The following CDH18 variants were observed in gnomAD, a reference collection of about 807,000 sequenced individuals.
CDH18 encodes the protein cadherin 18.
A neutral mutation model predicts 67.9 loss-of-function variants in CDH18; 31 were observed. That is an observed-to-expected ratio of 0.46 (90% CI 0.34 to 0.62). CDH18 has a LOEUF of 0.62. Among genes scored for constraint, CDH18 ranks in the 20% least tolerant of loss-of-function variants. CDH18 has a pLI of 0.01. For missense variants in CDH18, 890 were observed against 975.5 expected, an observed-to-expected ratio of 0.91 and a Z score of 1.17; for synonymous variants, 362 against 347.2, an observed-to-expected ratio of 1.04 and a Z score of -0.48.
chr5:20,379,929 A>G (rs1743779350), intron 1 of CDH18, among the ~76,000 whole-genome samples: 1 of 152,048 alleles, frequency 6.6e-6, no homozygotes, highest in Non-Finnish European at 1.5e-5. Flanking sequence ...ATAGACACTA[A>G]AAAAACCAAC....
chr5:19,923,704 T>C (rs1220177330), intron 2 of CDH18, among the ~76,000 whole-genome samples: 5 of 152,186 alleles, frequency 3.3e-5, no homozygotes, highest in Admixed American at 1.3e-4. Flanking sequence ...AGCTAAATAA[T>C]ATGTAAACAG....
At chr5:19,771,411 G>T (rs1581268891) in intron 3 of CDH18, among the ~76,000 whole-genome samples, 1 of 152,304 alleles carries the variant, frequency 6.6e-6, no homozygotes, top group South Asian at 2.1e-4. Context: ...CTAAGGAGAG[G>T]CTCACGTGGC....
chr5:20,479,457 AT>A (rs1752647404), intron 1 of CDH18, among the ~76,000 whole-genome samples: 3 of 152,154 alleles, frequency 2.0e-5, no homozygotes. Flanking sequence ...CATTTTTTAA[AT>A]GAAAAACTTA....
chr5:19,992,336 G>A (rs1800032759), upstream of CDH18, among the ~76,000 whole-genome samples: 1 of 151,404 alleles, frequency 6.6e-6, no homozygotes, highest in South Asian at 2.1e-4. Flanking sequence ...GATAATTGTT[G>A]TACTACAAAT....
intron 3 of CDH18, among the ~76,000 whole-genome samples, chr5:19,765,396 A>AT (rs780488691): frequency 8.4e-5 from 10 of 118,794 alleles, no homozygotes; most frequent in African/African-American, 2.3e-4. Flanking sequence ...TTCTTTTTTT[A>AT]TTTTTTTTTT....
At chr5:19,761,562 CA>C (rs201956075) in intron 3 of CDH18, among the ~76,000 whole-genome samples, 6 of 148,520 alleles carry the variant, frequency 4.0e-5, no homozygotes, top group Admixed American at 1.3e-4. Flanking sequence ...TGCAGAAACC[CA>C]AAAAAAAACT....
chr5:20,086,782 T>C (rs975111792), intron 2 of CDH18, among the ~76,000 whole-genome samples: 10 of 152,196 alleles, frequency 6.6e-5, no homozygotes, highest in Non-Finnish European at 1.3e-4. Flanking sequence ...TTCTAAATAC[T>C]AATGCTCATT....
At chr5:20,450,528 TAAAAG>T (rs1356872514) in intron 1 of CDH18, among the ~76,000 whole-genome samples, 3 of 151,908 alleles carry the variant, frequency 2.0e-5, no homozygotes, top group Non-Finnish European at 2.9e-5. Flanking sequence ...AATGCAAAAA[TAAAAG>T]AAAACCAAAT....
At position 20,490,622 on chromosome 5, in the gene CDH18, G is replaced by A. The variant is rs73764428; in HGVS notation, c.-580+84840C>T. 4.9e-3 allele frequency among the ~76,000 whole-genome samples: 750 copies of A among 152,244 alleles called. 5 individuals are homozygous for A. The highest frequency in any genetic ancestry group is 0.017 in the African/African-American group (701 of 41,568). ...AAAATAAACCCACATTTGTTCAAGAGGAGGGTAAGTAAGTACATAGATAGA... is the reference window on the plus strand; with the variant it reads ...AAAATAAACCCACATTTGTTCAAGAAGAGGGTAAGTAAGTACATAGATAGA... On this transcript the variant is annotated intron_variant, in intron 1 of 14. Transcript: ENST00000507958.
At chr5:19,724,732 G>A (rs551324838) in intron 4 of CDH18, among the ~76,000 whole-genome samples, 1 of 152,136 alleles carries the variant, frequency 6.6e-6, no homozygotes, top group African/African-American at 2.4e-5. Context: ...AGACAAAGAT[G>A]CGTTCTTGCC....
intron 3 of CDH18, among the ~76,000 whole-genome samples, chr5:19,747,593 T>C (rs533360102): frequency 2.8e-4 from 42 of 152,218 alleles, no homozygotes; most frequent in African/African-American, 9.4e-4. Flanking sequence ...CTTCCATACT[T>C]GTGAAAATAA....
intron 1 of CDH18, among the ~76,000 whole-genome samples, chr5:20,414,703 C>G (rs1747131598): frequency 1.3e-5 from 2 of 152,160 alleles, no homozygotes; most frequent in African/African-American, 2.4e-5. Context: ...AAATGGCCAA[C>G]AGGTATGTGA....
intron 11 of CDH18, among the ~76,000 whole-genome samples, chr5:19,490,615 A>G (rs1407378414): frequency 2.6e-5 from 4 of 151,804 alleles, no homozygotes; most frequent in Non-Finnish European, 5.9e-5. Flanking sequence ...GGGTTTCACC[A>G]TGTTGGCCAG....
intron 2 of CDH18, among the ~76,000 whole-genome samples, chr5:19,859,129 C>G (rs945392623): frequency 3.3e-5 from 5 of 152,098 alleles, no homozygotes; most frequent in Admixed American, 6.6e-5. Flanking sequence ...CCACAACTGA[C>G]CGATGGATGC....
At chr5:19,609,576 C>T (rs1298832593) in intron 6 of CDH18, among the ~76,000 whole-genome samples, 1 of 151,942 alleles carries the variant, frequency 6.6e-6, no homozygotes, top group Non-Finnish European at 1.5e-5. Flanking sequence ...CTATTTACTT[C>T]AAGATAAAGG....
intron 1 of CDH18, among the ~76,000 whole-genome samples, chr5:20,408,638 TA>T: frequency 6.6e-6 from 1 of 151,294 alleles, no homozygotes; most frequent in Non-Finnish European, 1.5e-5. Context: ...AAATATAAAA[TA>T]AAAATACAAA....
chr5:19,805,437 A>G (rs971098535), intron 3 of CDH18, among the ~76,000 whole-genome samples: 1 of 152,156 alleles, frequency 6.6e-6, no homozygotes, highest in Non-Finnish European at 1.5e-5. Flanking sequence ...TTTGTTCTTC[A>G]GAATTCCATT....
At chr5:20,192,832 G>A (rs1193162450) in intron 2 of CDH18, among the ~76,000 whole-genome samples, 1 of 151,998 alleles carries the variant, frequency 6.6e-6, no homozygotes, top group Non-Finnish European at 1.5e-5. Flanking sequence ...TTGGCTATAC[G>A]AGGTCTTTTT....
intron 11 of CDH18, among the ~76,000 whole-genome samples, chr5:19,500,483 G>A (rs1743055634): frequency 6.6e-6 from 1 of 152,086 alleles, no homozygotes; most frequent in Non-Finnish European, 1.5e-5. Flanking sequence ...AACCAAGACT[G>A]TTAACTCAAG....
Sources: allele counts gnomAD v4.1 joint callset (sites outside exome capture counted in the v4.1 genomes callset), GRCh38; gene constraint gnomAD v4.1.1; transcripts MANE v1.5; gene names NCBI Gene and HGNC (gene_info 2026-07-23, HGNC 2026-07-21).